The following AKAP6 variants were observed in gnomAD, a reference collection of about 807,000 sequenced individuals.
The protein encoded by AKAP6 is A-kinase anchor protein 6.
A neutral mutation model predicts 188.5 loss-of-function variants in AKAP6; 58 were observed. That is an observed-to-expected ratio of 0.31 (90% CI 0.25 to 0.38). The LOEUF is 0.38. AKAP6 is among the 10% of genes least tolerant of loss of function. The pLI, the probability that AKAP6 is intolerant of heterozygous loss-of-function variation, is 1.00. For synonymous variants in AKAP6, 989 were observed against 998.6 expected, an observed-to-expected ratio of 0.99 and a Z score of 0.18; for missense variants, 2,710 against 2,740.0, an observed-to-expected ratio of 0.99 and a Z score of 0.24.
chr14:32,814,859 G>T (rs1296514273), intron 12 of AKAP6, among the ~76,000 whole-genome samples: 1 of 152,166 alleles, frequency 6.6e-6, no homozygotes, highest in African/African-American at 2.4e-5. Context: ...CTTACGAGTA[G>T]CTGGGACTAC....
intron 1 of AKAP6, among the ~76,000 whole-genome samples, chr14:32,430,463 A>G (rs1890180984): frequency 6.6e-6 from 1 of 152,206 alleles, no homozygotes; most frequent in Admixed American, 6.5e-5. Context: ...TATTCCCAAG[A>G]AGGCCCTGCC....
At chr14:32,461,238 C>G (rs758830805) in intron 2 of AKAP6, among the ~76,000 whole-genome samples, 4 of 152,238 alleles carry the variant, frequency 2.6e-5, no homozygotes, top group Non-Finnish European at 4.4e-5. Flanking sequence ...AAGGGACAGA[C>G]TGCCTCCTCA....
intron 7 of AKAP6, among the ~76,000 whole-genome samples, chr14:32,606,489 C>G (rs1886130730): frequency 6.6e-6 from 1 of 152,112 alleles, no homozygotes. Flanking sequence ...CCAGGATTTC[C>G]CCCTATGACT....
intron 1 of AKAP6, among the ~76,000 whole-genome samples, chr14:32,432,481 A>G (rs1205741821): frequency 6.6e-6 from 1 of 152,138 alleles, no homozygotes; most frequent in Non-Finnish European, 1.5e-5. Flanking sequence ...CCAATTTATT[A>G]CCCCTAAAAT....
intron 13 of AKAP6, 41 bp from the exon 14 acceptor site, chr14:32,829,807 A>G (rs1256511890): frequency 2.1e-5 from 14 of 680,340 alleles, no homozygotes; most frequent in Non-Finnish European, 3.7e-5. Flanking sequence ...TGAAAAATAC[A>G]TTTCTGAAAC....
At chr14:32,777,264 A>G (rs1182118435) in intron 12 of AKAP6, among the ~76,000 whole-genome samples, 1 of 152,216 alleles carries the variant, frequency 6.6e-6, no homozygotes, top group Non-Finnish European at 1.5e-5. Flanking sequence ...CAACAAGTTA[A>G]AATTTATAAA....
rs188351658 is a variant in AKAP6, at chr14:32,669,642, A to G, written c.2731-8669A>G. On this transcript the variant is annotated intron_variant, in intron 7 of 13. Transcript: ENST00000280979. ...GTATTCATCCATTCTCACGCTGCTA[A>G]TAGACATACCCAAGACTGAATAATT... Among the ~76,000 whole-genome samples, 90 of 152,316 alleles carry G rather than the reference A, an allele frequency of 5.9e-4. 1 individual carries two copies. The highest frequency in any genetic ancestry group is 2.1e-3 in the African/African-American group (87 of 41,576).
intron 8 of AKAP6, among the ~76,000 whole-genome samples, chr14:32,684,720 A>G (rs1285619857): frequency 6.7e-6 from 1 of 149,068 alleles, no homozygotes; most frequent in Non-Finnish European, 1.5e-5. Flanking sequence ...TAAAATGAGA[A>G]TCATTATCCT....
At chr14:32,518,576 A>C (rs1278334929) in intron 2 of AKAP6, among the ~76,000 whole-genome samples, 3 of 152,230 alleles carry the variant, frequency 2.0e-5, no homozygotes, top group African/African-American at 7.2e-5. Flanking sequence ...AATTCGATCA[A>C]GTGGAAGAAA....
At position 32,577,230 on chromosome 14, in the gene AKAP6, G is replaced by T. The variant is rs139085129; in HGVS notation, c.2457G>T (p.Leu819=). ...AGATGGATGACCTTAAACTGTATCT[G>T]GAGACACACTTGGTAGGCAAGATTG... ...KAEMDDLKLY[L]ETHLSFKLNV... is the part of the protein sequence containing the mutation. The change falls in exon 5 of 14, where the codon CTG becomes CTT. Residue 819 remains leucine (L), a synonymous_variant. Coordinates refer to ENST00000280979, the MANE Select transcript of AKAP6 (RefSeq NM_004274.5). The T allele has an allele frequency of 1.2e-3, 1,945 of 1,609,950 alleles. 2 individuals carry two copies. The highest frequency in any genetic ancestry group is 1.6e-3 in the Non-Finnish European group (1,855 of 1,178,562).
intron 11 of AKAP6, among the ~76,000 whole-genome samples, chr14:32,738,790 C>T (rs1262893829): frequency 6.6e-6 from 1 of 152,134 alleles, no homozygotes; most frequent in Non-Finnish European, 1.5e-5. Flanking sequence ...CAAACATTTT[C>T]TGTAAAAGCC....
chr14:32,494,951 C>T (rs1454337291), intron 2 of AKAP6: 10 of 152,150 alleles, frequency 6.6e-5, no homozygotes, highest in Non-Finnish European at 5.9e-5. Context: ...CTATTGTAAC[C>T]AAGCAACTGA....
chr14:32,647,531 G>A (rs1382799486), intron 7 of AKAP6, among the ~76,000 whole-genome samples: 2 of 152,034 alleles, frequency 1.3e-5, no homozygotes, highest in African/African-American at 2.4e-5. Context: ...AAGACTGAGC[G>A]GAATTTAAGT....
At chr14:32,357,928 C>G (rs947189099) in intron 1 of AKAP6, among the ~76,000 whole-genome samples, 3 of 152,116 alleles carry the variant, frequency 2.0e-5, no homozygotes, top group Non-Finnish European at 4.4e-5. Flanking sequence ...GTTTTGCTAC[C>G]AGTTATTTAT....
At chr14:32,544,679 T>C (rs1883108956) in intron 3 of AKAP6, among the ~76,000 whole-genome samples, 1 of 152,222 alleles carries the variant, frequency 6.6e-6, no homozygotes, top group South Asian at 2.1e-4. Context: ...TGAACTATTA[T>C]GTATTTGCAA....
chr14:32,342,379 G>A (rs946344389), intron 1 of AKAP6, among the ~76,000 whole-genome samples: 1 of 152,074 alleles, frequency 6.6e-6, no homozygotes, highest in African/African-American at 2.4e-5. Flanking sequence ...TCTCTTCCAT[G>A]TCTACCCTCA....
intron 2 of AKAP6, among the ~76,000 whole-genome samples, chr14:32,443,027 C>T (rs1233421968): frequency 1.2e-5 from 1 of 86,280 alleles, no homozygotes; most frequent in Non-Finnish European, 2.2e-5. Context: ...CAATTGATTT[C>T]AAGCTATGGC....
At chr14:32,729,092 G>A (rs1181151813) in intron 9 of AKAP6, among the ~76,000 whole-genome samples, 3 of 152,236 alleles carry the variant, frequency 2.0e-5, no homozygotes, top group Admixed American at 1.3e-4. Context: ...TGACCTCACA[G>A]TGACAAGGCA....
chr14:32,718,143 T>G lies in AKAP6; in HGVS notation c.3001-14311T>G, dbSNP rs138543612. Among the ~76,000 whole-genome samples, 37 of 152,250 alleles carry G rather than the reference T, an allele frequency of 2.4e-4. 1 individual carries two copies. The East Asian group carries it at 4.8e-3, about 20-fold the overall frequency. ...CCTCCTGAAATTCTATTTGTGGATT[T>G]TAGTACAATCTTACTGACCTTGGGC... On this transcript the variant is annotated intron_variant, in intron 9 of 13. Transcript: ENST00000280979.
Sources: gnomAD v4.1 joint callset for allele counts (sites outside exome capture counted in the v4.1 genomes callset) on GRCh38, gnomAD v4.1.1 for gene constraint, MANE v1.5 for transcripts, NCBI Gene and HGNC (gene_info 2026-07-23, HGNC 2026-07-21) for gene names.